RANBP9: variants seen among roughly 807,000 people sequenced by gnomAD.
The protein encoded by RANBP9 is ran-binding protein 9.
RANBP9 carries 15 observed loss-of-function variants against 84.3 expected under a neutral mutation model. The ratio of observed to expected loss-of-function variants is 0.18; its 90% CI spans 0.12 to 0.27. The LOEUF (loss-of-function observed/expected upper bound fraction) is 0.27, where lower values mean the gene tolerates loss of function less well. Ranked by LOEUF, RANBP9 falls within the 10% of genes least tolerant of loss-of-function variation. The pLI is 1.00. For synonymous variants in RANBP9, 392 were observed against 349.6 expected (o/e 1.12, Z -1.35); for missense variants, 809 against 912.8 (o/e 0.89, Z 1.46).
At chr6:13,662,465 G>C (rs1024363663) in intron 2 of RANBP9, among the ~76,000 whole-genome samples, 1 of 152,124 alleles carries the variant, frequency 6.6e-6, no homozygotes, top group Non-Finnish European at 1.5e-5. Context: ...GAATGCGTGT[G>C]TCCCCCAAAA....
chr6:13,646,129 G>T (rs1765170370), intron 5 of RANBP9, among the ~76,000 whole-genome samples: 1 of 152,124 alleles, frequency 6.6e-6, no homozygotes, highest in Admixed American at 6.5e-5. Flanking sequence ...ATAGAAACAG[G>T]CCAGGCATGG....
At chr6:13,669,653 T>A (rs1226738962) in intron 2 of RANBP9, among the ~76,000 whole-genome samples, 1 of 152,210 alleles carries the variant, frequency 6.6e-6, no homozygotes, top group Non-Finnish European at 1.5e-5. Context: ...TGCAGTGGCA[T>A]GACCACAGCT....
chr6:13,661,038 T>C (rs2299027), intron 2 of RANBP9, among the ~76,000 whole-genome samples: 36,238 of 152,138 alleles, frequency 0.24, 4,672 homozygotes, highest in Admixed American at 0.29. Flanking sequence ...GGACTAAAAA[T>C]GTTCCATAAG....
At chr6:13,637,988 CAA>C in intron 9 of RANBP9, 33 bp from the exon 10 acceptor site, 1 of 1,556,728 alleles carries the variant, frequency 6.4e-7, no homozygotes, top group Non-Finnish European at 8.7e-7. Context: ...GAAACAGAAA[CAA>C]ACACTAATTT....
chr6:13,661,773 A>C (rs772221546), intron 2 of RANBP9, among the ~76,000 whole-genome samples: 1 of 152,172 alleles, frequency 6.6e-6, no homozygotes, highest in Non-Finnish European at 1.5e-5. Context: ...ATTAAGTCAC[A>C]CATAAGACAC....
chr6:13,645,062 T>C (rs1031073465), intron 5 of RANBP9, among the ~76,000 whole-genome samples: 4 of 152,180 alleles, frequency 2.6e-5, no homozygotes, highest in African/African-American at 9.7e-5. Flanking sequence ...CATATAGTAG[T>C]TACAGAAATT....
At chr6:13,692,554 A>AC (rs1766351840) in intron 2 of RANBP9, among the ~76,000 whole-genome samples, 8 of 138,704 alleles carry the variant, frequency 5.8e-5, no homozygotes, top group Admixed American at 1.5e-4. Context: ...AAAAAAAAAA[A>AC]CACAAAAAAC....
intron 4 of RANBP9, among the ~76,000 whole-genome samples, chr6:13,654,564 A>C (rs541555089): frequency 1.2e-3 from 181 of 152,368 alleles, no homozygotes; most frequent in African/African-American, 4.2e-3. Flanking sequence ...AATATTTAAC[A>C]GTATTTTATC....
At position 13,707,697 on chromosome 6, in the gene RANBP9, C is replaced by G. The variant is rs564014139; in HGVS notation, c.571+3238G>C. Among the ~76,000 whole-genome samples, 9 of 152,298 alleles carry G rather than the reference C, an allele frequency of 5.9e-5. No individual in the cohort carries two copies. The South Asian group carries it at 1.9e-3, about 32-fold the overall frequency. On this transcript the variant is annotated intron_variant, in intron 1 of 13. Transcript: ENST00000011619. ...AAAATGAAAATTCCAGGATCTTGTC[C>G]AGATCCACTAGTGTGTGTATATATA...
rs759233812 is a variant in RANBP9 at position 13,622,357 on chromosome 6, C to G, written c.*5G>C. 6.4e-7 allele frequency: 1 copy of G among 1,560,110 alleles called. No individual in the cohort carries two copies. The highest frequency in any genetic ancestry group is 8.7e-7 in the Non-Finnish European group (1 of 1,153,890). ...AATATAAGTGTGAGCTCTTGAAATG[C>G]ATAGCTAATGTAGGTAGTCTTCCAC... On this transcript the variant is annotated 3_prime_UTR_variant, in exon 14 of 14. Coordinates refer to ENST00000011619, the MANE Select transcript of RANBP9 (RefSeq NM_005493.3).
At chr6:13,644,844 C>A (rs1765145851) in intron 5 of RANBP9, 115 bp from the exon 6 acceptor site, 3 of 887,144 alleles carry the variant, frequency 3.4e-6, no homozygotes, top group Non-Finnish European at 4.7e-6. Context: ...TTTTAAAATC[C>A]CAATCAAAAT....
intron 10 of RANBP9, among the ~76,000 whole-genome samples, chr6:13,635,038 A>G (rs952022088): frequency 3.3e-5 from 5 of 152,110 alleles, no homozygotes; most frequent in Admixed American, 3.3e-4. Context: ...ATCCACTCCT[A>G]GGCTGTTTTT....
intron 2 of RANBP9, among the ~76,000 whole-genome samples, chr6:13,659,854 C>T (rs1285593714): frequency 6.6e-6 from 1 of 152,000 alleles, no homozygotes; most frequent in African/African-American, 2.4e-5. Flanking sequence ...CAAAGAGATG[C>T]CTATAATTGT....
intron 12 of RANBP9, among the ~76,000 whole-genome samples, chr6:13,629,728 G>A (rs951771900): frequency 6.6e-6 from 1 of 152,052 alleles, no homozygotes; most frequent in African/African-American, 2.4e-5. Context: ...CAATTCAAGA[G>A]TTCTTTTGGG....
intron 12 of RANBP9, among the ~76,000 whole-genome samples, chr6:13,626,703 A>C (rs1327835108): frequency 1.3e-5 from 2 of 152,228 alleles, no homozygotes; most frequent in East Asian, 3.8e-4. Context: ...AGAAACTGTC[A>C]ATTTGTGAGT....
At chr6:13,657,496 A>G (rs931720812) in intron 3 of RANBP9, among the ~76,000 whole-genome samples, 1 of 152,222 alleles carries the variant, frequency 6.6e-6, no homozygotes, top group Non-Finnish European at 1.5e-5. Flanking sequence ...ACTAAAACAA[A>G]TATTAAACAG....
At chr6:13,691,099 CAG>C (rs1491510487) in intron 2 of RANBP9, among the ~76,000 whole-genome samples, 4 of 146,650 alleles carry the variant, frequency 2.7e-5, no homozygotes, top group Non-Finnish European at 5.9e-5. Context: ...ACCCAGGAGA[CAG>C]AGGTTGCAGT....
Position 13,693,840 on chromosome 6 carries a change from C to T in RANBP9, c.683+2945G>A, listed in dbSNP as rs9349736. On this transcript the variant is annotated intron_variant, in intron 2 of 13. Transcript: ENST00000011619. ...GGCGGATCATTTGAGGTCAGGCGCT[C>T]GAGACCAGCCTGGCCAACATTGTGA... 2.2e-4 allele frequency among the ~76,000 whole-genome samples: 33 copies of T among 152,010 alleles called. No individual in the cohort carries two copies. The East Asian group carries it at 6.0e-3, about 28-fold the overall frequency.
At chr6:13,662,073 A>G (rs973284258) in intron 2 of RANBP9, among the ~76,000 whole-genome samples, 2 of 152,220 alleles carry the variant, frequency 1.3e-5, no homozygotes, top group African/African-American at 4.8e-5. Flanking sequence ...ATCTGACGAC[A>G]TACTTTAGCA....
Sources: allele counts gnomAD v4.1 joint callset (sites outside exome capture counted in the v4.1 genomes callset), GRCh38; gene constraint gnomAD v4.1.1; transcripts MANE v1.5; gene names NCBI Gene and HGNC (gene_info 2026-07-23, HGNC 2026-07-21).